Variants in PDZRN4 observed in about 807,000 individuals in gnomAD.
The protein encoded by PDZRN4 is PDZ domain containing ring finger 4, also known as PDZ domain-containing RING finger protein 4.
Under a neutral mutation model 99.0 loss-of-function variants are expected in PDZRN4, and 70 were observed. That is an observed-to-expected ratio of 0.71 (90% CI 0.58 to 0.86). The LOEUF (loss-of-function observed/expected upper bound fraction) is 0.86, where lower values mean the gene tolerates loss of function less well. Among genes scored for constraint, PDZRN4 ranks in the 40% least tolerant of loss-of-function variants. The probability of loss-of-function intolerance (pLI) is 0.00; values close to 1 mark genes in which losing one functional copy is unlikely to be tolerated. For synonymous variants in PDZRN4, 551 were observed against 501.6 expected (o/e 1.10, Z -1.32); for missense variants, 1,474 against 1,331.2 (o/e 1.11, Z -1.67).
At chr12:41,548,272 A>G (rs975364540) in intron 5 of PDZRN4, among the ~76,000 whole-genome samples, 1 of 152,224 alleles carries the variant, frequency 6.6e-6, no homozygotes. Flanking sequence ...CAATATTTTT[A>G]TAATAGACTA....
chr12:41,370,315 TTTATCTGATCA>T (rs1257228010), intron 3 of PDZRN4, among the ~76,000 whole-genome samples: 1 of 151,992 alleles, frequency 6.6e-6, no homozygotes, highest in Non-Finnish European at 1.5e-5. Context: ...TGATAATTTA[TTTATCTGATCA>T]CTCTCCTATA....
intron 3 of PDZRN4, among the ~76,000 whole-genome samples, chr12:41,475,078 T>C (rs1369216934): frequency 6.6e-6 from 1 of 152,180 alleles, no homozygotes; most frequent in Non-Finnish European, 1.5e-5. Context: ...ATCATAATAA[T>C]GTGTCTGTGT....
chr12:41,343,559 A>G (rs1054848733), intron 3 of PDZRN4, among the ~76,000 whole-genome samples: 6 of 151,746 alleles, frequency 4.0e-5, no homozygotes, highest in Non-Finnish European at 7.4e-5. Flanking sequence ...AGAATAAAGC[A>G]GTGTTTACCA....
At chr12:41,394,331 A>G (rs1326024470) in intron 3 of PDZRN4, among the ~76,000 whole-genome samples, 1 of 152,152 alleles carries the variant, frequency 6.6e-6, no homozygotes, top group Non-Finnish European at 1.5e-5. Flanking sequence ...CTATTGCAGG[A>G]CACTCCCAAA....
At chr12:41,520,463 A>G (rs1479478421) in intron 5 of PDZRN4, among the ~76,000 whole-genome samples, 3 of 152,126 alleles carry the variant, frequency 2.0e-5, no homozygotes, top group Non-Finnish European at 4.4e-5. Context: ...ATAAATCTCG[A>G]AAAGGATTTA....
At chr12:41,295,332 C>A (rs1208719948) in intron 3 of PDZRN4, among the ~76,000 whole-genome samples, 1 of 151,854 alleles carries the variant, frequency 6.6e-6, no homozygotes, top group South Asian at 2.1e-4. Context: ...GTCATCAAAT[C>A]AAAAATAGTC....
intron 3 of PDZRN4, among the ~76,000 whole-genome samples, chr12:41,295,891 T>C (rs1951490176): frequency 6.6e-6 from 1 of 152,134 alleles, no homozygotes; most frequent in Admixed American, 6.6e-5. Flanking sequence ...AATCAGCAGT[T>C]TACAAATGGA....
intron 3 of PDZRN4, among the ~76,000 whole-genome samples, chr12:41,341,082 A>C (rs917316233): frequency 3.3e-5 from 5 of 152,024 alleles, no homozygotes; most frequent in East Asian, 1.9e-4. Flanking sequence ...AATGCATTAA[A>C]ACACATTAAT....
intron 3 of PDZRN4, among the ~76,000 whole-genome samples, chr12:41,481,684 T>G (rs892751553): frequency 6.6e-6 from 1 of 151,918 alleles, no homozygotes; most frequent in Admixed American, 6.6e-5. Flanking sequence ...ATCTTGAGAG[T>G]TTTTTCAGCC....
intron 3 of PDZRN4, among the ~76,000 whole-genome samples, chr12:41,483,653 G>A (rs907167042): frequency 3.3e-5 from 5 of 152,094 alleles, no homozygotes; most frequent in Non-Finnish European, 5.9e-5. Flanking sequence ...AGACTAAATC[G>A]ACTGTATGAG....
chr12:41,506,792 A>T, intron 4 of PDZRN4, 80 bp downstream of exon 4: 1 of 1,478,440 alleles, frequency 6.8e-7, no homozygotes, highest in Middle Eastern at 1.8e-4. Flanking sequence ...AAGCAGTTCC[A>T]CTAGCAGGTT....
At chr12:41,390,399 G>A (rs1952201895) in intron 3 of PDZRN4, among the ~76,000 whole-genome samples, 1 of 151,810 alleles carries the variant, frequency 6.6e-6, no homozygotes, top group Admixed American at 6.6e-5. Flanking sequence ...ATTTGTCATT[G>A]TTGTTCTATT....
intron 3 of PDZRN4, among the ~76,000 whole-genome samples, chr12:41,219,455 TA>T (rs1321249690): frequency 1.4e-4 from 21 of 152,136 alleles, no homozygotes; most frequent in Admixed American, 2.0e-4. Context: ...AAGAATAATC[TA>T]GTAATAATGC....
chr12:41,449,306 T>C (rs1952755171), intron 3 of PDZRN4, among the ~76,000 whole-genome samples: 1 of 152,176 alleles, frequency 6.6e-6, no homozygotes, highest in Non-Finnish European at 1.5e-5. Context: ...CCAAATGCTA[T>C]TGTTTTCTCA....
chr12:41,484,759 T>C (rs938605413), intron 3 of PDZRN4, among the ~76,000 whole-genome samples: 1 of 152,190 alleles, frequency 6.6e-6, no homozygotes, highest in Non-Finnish European at 1.5e-5. Context: ...ACCCTTATGA[T>C]TCTGTCTCCT....
chr12:41,459,487 G>T (rs773647126), intron 3 of PDZRN4, among the ~76,000 whole-genome samples: 3 of 152,150 alleles, frequency 2.0e-5, no homozygotes, highest in Non-Finnish European at 2.9e-5. Context: ...AATCTGGGCC[G>T]TATTTAAGCC....
intron 3 of PDZRN4, among the ~76,000 whole-genome samples, chr12:41,382,355 TC>T (rs1952134055): frequency 6.6e-6 from 1 of 152,154 alleles, no homozygotes; most frequent in Non-Finnish European, 1.5e-5. Flanking sequence ...CTGACTAGTT[TC>T]CCTGCGCTGT....
intron 3 of PDZRN4, among the ~76,000 whole-genome samples, chr12:41,388,719 G>A (rs879569423): frequency 1.3e-5 from 2 of 152,182 alleles, no homozygotes; most frequent in Non-Finnish European, 2.9e-5. Flanking sequence ...TGGATTTTGT[G>A]TAGGAGAGAG....
intron 3 of PDZRN4, among the ~76,000 whole-genome samples, chr12:41,255,727 C>G (rs1386860899): frequency 6.6e-6 from 1 of 152,130 alleles, no homozygotes; most frequent in Admixed American, 6.5e-5. Flanking sequence ...AGCATGGCAC[C>G]AGTATCTGCT....
Sources: allele counts gnomAD v4.1 joint callset (sites outside exome capture counted in the v4.1 genomes callset), GRCh38; gene constraint gnomAD v4.1.1; transcripts MANE v1.5; gene names NCBI Gene and HGNC (gene_info 2026-07-23, HGNC 2026-07-21).